The following NALCN variants were observed in gnomAD, a reference collection of about 807,000 sequenced individuals.
NALCN encodes the protein sodium leak channel, non-selective.
A neutral mutation model predicts 225.3 loss-of-function variants in NALCN; 111 were observed. That is an observed-to-expected ratio of 0.49 (90% CI 0.42 to 0.58). NALCN has a LOEUF of 0.58. Among genes scored for constraint, NALCN ranks in the 20% least tolerant of loss-of-function variants. NALCN has a pLI of 0.00. For synonymous variants in NALCN, 764 were observed against 769.0 expected (o/e 0.99, Z 0.11); for missense variants, 1,378 against 2,202.4 (o/e 0.63, Z 7.49).
chr13:101,229,444 C>T lies in NALCN; in HGVS notation c.1575G>A (p.Leu525=). 1 of 1,608,858 alleles carries T rather than the reference C, an allele frequency of 6.2e-7. No individual in the cohort carries two copies. Among genetic ancestry groups the T allele is most frequent in the Non-Finnish European group, 8.5e-7 (1 of 1,177,882 alleles). The change falls in exon 13 of 44, where the codon TTG becomes TTA. Residue 525 remains leucine (L), a synonymous_variant. Transcript: ENST00000251127. ...GTTCTTCGACAAAGCAGAACATCTGCAAACTAATTGCTGACATAACAATCA... is the reference window on the plus strand; with the variant it reads ...GTTCTTCGACAAAGCAGAACATCTGTAAACTAATTGCTGACATAACAATCA... ...SLLIVMSAIS[L]QMFCFVEELD... is the part of the protein sequence containing the mutation.
chr13:101,243,814 T>C (rs1275256041), intron 11 of NALCN, among the ~76,000 whole-genome samples: 1 of 103,062 alleles, frequency 9.7e-6, no homozygotes, highest in Admixed American at 9.2e-5. Flanking sequence ...TGTGGACTGC[T>C]CCTGGACCAC....
At chr13:101,237,730 G>C in intron 12 of NALCN, 25 bp downstream of exon 12, 3 of 1,497,858 alleles carry the variant, frequency 2.0e-6, no homozygotes, top group Non-Finnish European at 2.7e-6. Context: ...AATTTCTAAA[G>C]ACAAATAGGC....
chr13:101,056,875 C>T (rs1303104239), intron 43 of NALCN: 2 of 152,202 alleles, frequency 1.3e-5, no homozygotes, highest in Non-Finnish European at 2.9e-5. Context: ...TGAACCGACT[C>T]AGCTTGTAAT....
At position 101,294,009 on chromosome 13, in the gene NALCN, C is replaced by T. The variant is rs140656897; in HGVS notation, c.800-1643G>A. On this transcript the variant is annotated intron_variant, in intron 7 of 43. Transcript: ENST00000251127. ...TCTGTCTTATTAGCTAGGCAAATGG[C>T]GAAGTGGGGATGAGGGCAGATATTA... 5.0e-3 allele frequency among the ~76,000 whole-genome samples: 761 copies of T among 152,012 alleles called. 6 individuals carry two copies. Among genetic ancestry groups the T allele is most frequent in the African/African-American group, 0.018 (737 of 41,472 alleles).
intron 2 of NALCN, among the ~76,000 whole-genome samples, chr13:101,398,291 A>G (rs1032220349): frequency 6.6e-6 from 1 of 152,198 alleles, no homozygotes; most frequent in African/African-American, 2.4e-5. Flanking sequence ...AAAGAGTCCA[A>G]GCAGATCATG....
intron 7 of NALCN, among the ~76,000 whole-genome samples, chr13:101,293,830 T>C (rs2043637113): frequency 6.6e-6 from 1 of 152,250 alleles, no homozygotes; most frequent in Non-Finnish European, 1.5e-5. Flanking sequence ...TGTGTGCTAA[T>C]ATACTTTCTA....
rs17485666 is a variant in NALCN, at chr13:101,190,864, C to T, written c.1764+1053G>A. Among the ~76,000 whole-genome samples, 1,255 of 152,322 alleles carry T rather than the reference C, an allele frequency of 8.2e-3. 2 individuals carry two copies. Among genetic ancestry groups the T allele is most frequent in the Non-Finnish European group, 0.015 (993 of 68,020 alleles). ...AGACATTTTTTCAGACAACTTTAAA[C>T]TTCATTATCCAGGGAAGCAATAATA... is the stretch of plus-strand genomic sequence containing the variant. On this transcript the variant is annotated intron_variant, in intron 14 of 43. Transcript: ENST00000251127.
intron 14 of NALCN, among the ~76,000 whole-genome samples, chr13:101,177,429 A>ATATATATATATATATATATATATATC (rs71121173): frequency 6.7e-6 from 1 of 148,538 alleles, no homozygotes; most frequent in Non-Finnish European, 1.5e-5. Flanking sequence ...ATATATATAT[A>ATATATATATATATATATATATATATC]TATGGTAGAA....
At chr13:101,400,544 AGTGTGTGTGTGTGTGTGTGT>A (rs376844190) in intron 1 of NALCN, among the ~76,000 whole-genome samples, 3,179 of 135,222 alleles carry the variant, frequency 0.024, 117 homozygotes, top group African/African-American at 0.077. Flanking sequence ...ACATGTTTGC[AGTGTGTGTGTGTGTGTGTGT>A]GTGTGTGTGT....
chr13:101,243,216 T>C (rs1457434868), intron 11 of NALCN, among the ~76,000 whole-genome samples: 1 of 103,528 alleles, frequency 9.7e-6, no homozygotes, highest in African/African-American at 3.5e-5. Context: ...GCTATTTTAC[T>C]TTGCCCTTAT....
intron 15 of NALCN, among the ~76,000 whole-genome samples, chr13:101,148,887 T>A (rs972832950): frequency 2.0e-5 from 3 of 152,076 alleles, no homozygotes; most frequent in Admixed American, 2.0e-4. Context: ...TAGTGTGGAG[T>A]ATGCGTGTCC....
At chr13:101,363,212 A>G (rs1266331060) in intron 6 of NALCN, among the ~76,000 whole-genome samples, 1 of 152,142 alleles carries the variant, frequency 6.6e-6, no homozygotes, top group African/African-American at 2.4e-5. Flanking sequence ...TACCAATGAC[A>G]TTCTTCACAG....
chr13:101,173,250 C>T (rs1196407507), intron 15 of NALCN, among the ~76,000 whole-genome samples: 1 of 152,156 alleles, frequency 6.6e-6, no homozygotes, highest in African/African-American at 2.4e-5. Flanking sequence ...TATGAGGATG[C>T]CTTTGTTATC....
intron 3 of NALCN, among the ~76,000 whole-genome samples, chr13:101,380,839 G>GATAT: frequency 6.9e-6 from 1 of 144,608 alleles, no homozygotes. Context: ...TACATTAGAG[G>GATAT]ATATATAATG....
chr13:101,278,522 CA>C (rs3061766), intron 10 of NALCN, among the ~76,000 whole-genome samples: 878 of 87,380 alleles, frequency 0.01, no homozygotes, highest in African/African-American at 0.043. Flanking sequence ...GACTCTGTCT[CA>C]AAAAAAAAAA....
At position 101,416,468 on chromosome 13, in the gene NALCN, C is replaced by T. The variant is rs954601206; in HGVS notation, c.-195G>A. 12 of 151,916 alleles carry T rather than the reference C, an allele frequency of 7.9e-5. No homozygotes were observed. The highest frequency in any genetic ancestry group is 2.6e-4 in the Admixed American group (4 of 15,250). 9.4% of individuals were successfully genotyped at this position (151,916 alleles called of 1,614,324 possible). A position where few individuals can be genotyped will look rare whatever the true frequency, so the allele number is the denominator to read the frequency against. ...GGCTCAGCTCAGGCAGCGCGCTCGG[C>T]CCGGCTGGGGCCGCGGCTCACGCTC... On this transcript the variant is annotated 5_prime_UTR_variant, in exon 1 of 44. Transcript: ENST00000251127.
In NALCN at chr13:101,104,251, C is replaced by CAA. The variant is rs1189545720; in HGVS notation, c.2889+42_2889+43dup. 1 of 1,554,922 alleles carries CAA rather than the reference C, an allele frequency of 6.4e-7. No homozygotes were observed. Among genetic ancestry groups the CAA allele is most frequent in the East Asian group, 2.2e-5 (1 of 44,484 alleles). On this transcript the variant is annotated intron_variant, in intron 25 of 43. Coordinates refer to ENST00000251127, the MANE Select transcript of NALCN (RefSeq NM_052867.4). The surrounding 1 kb of genome is among the most constrained non-coding windows in gnomAD (Gnocchi z 4.2). ...ATACCAAGAAATGCAGGAGATTTTA[C>CAA]AAAACCATTACATTTTTCATTTAGG... is the stretch of plus-strand genomic sequence containing the variant.
chr13:101,217,366 T>C (rs903480113), intron 13 of NALCN, among the ~76,000 whole-genome samples: 1 of 152,206 alleles, frequency 6.6e-6, no homozygotes, highest in African/African-American at 2.4e-5. Flanking sequence ...CTGTTGCATA[T>C]TGCCTTACAT....
chr13:101,318,865 G>A (rs515420), intron 7 of NALCN, among the ~76,000 whole-genome samples: 62,001 of 151,848 alleles, frequency 0.41, 13,001 homozygotes, highest in Middle Eastern at 0.47. Flanking sequence ...CTTTTTTTTA[G>A]TGAAGAAGAC....
Sources: gnomAD v4.1 joint callset for allele counts (sites outside exome capture counted in the v4.1 genomes callset) on GRCh38, gnomAD v4.1.1 for gene constraint, Gnocchi (gnomAD v3.1) non-coding constraint, MANE v1.5 for transcripts, NCBI Gene and HGNC (gene_info 2026-07-23, HGNC 2026-07-21) for gene names.